Variants in REL observed in about 807,000 individuals in gnomAD.
REL encodes REL proto-oncogene, NF-kB subunit.
Under a neutral mutation model 45.9 loss-of-function variants are expected in REL, and 15 were observed. The observed-to-expected ratio is 0.33, with a 90% confidence interval of 0.22 to 0.50. REL has a LOEUF of 0.50. REL is among the 20% of genes least tolerant of loss of function. The pLI is 0.98. For missense variants in REL, 601 were observed against 715.2 expected (o/e 0.84, Z 1.82); for synonymous variants, 239 against 242.1 (o/e 0.99, Z 0.12).
At chr2:60,918,362 CA>C (rs766635081) in intron 6 of REL, 31 bp from the exon 7 acceptor site, 6 of 1,505,674 alleles carry the variant, frequency 4.0e-6, no homozygotes, top group Admixed American at 1.8e-5. Context: ...TTTGTTTTCC[CA>C]TTTTTTTTTT....
At chr2:60,887,968 C>T (rs1246994222) in intron 1 of REL, among the ~76,000 whole-genome samples, 2 of 150,916 alleles carry the variant, frequency 1.3e-5, no homozygotes, top group Non-Finnish European at 3.0e-5. Context: ...CACTCTGTCA[C>T]CCAGGCTAGA....
intron 1 of REL, among the ~76,000 whole-genome samples, 198 bp from the exon 2 acceptor site, chr2:60,891,485 T>C (rs1040756364): frequency 1.3e-5 from 2 of 152,258 alleles, no homozygotes; most frequent in Non-Finnish European, 2.9e-5. Flanking sequence ...TGACACTACA[T>C]AGGGACTCAA....
chr2:60,915,850 ATT>A (rs1251493730), intron 4 of REL, among the ~76,000 whole-genome samples: 2 of 152,190 alleles, frequency 1.3e-5, no homozygotes, highest in African/African-American at 4.8e-5. Context: ...GAACTGTAAA[ATT>A]TTTAATTAAA....
At chr2:60,889,960 A>T (rs1479660760) in intron 1 of REL, among the ~76,000 whole-genome samples, 2 of 152,190 alleles carry the variant, frequency 1.3e-5, no homozygotes, top group Non-Finnish European at 2.9e-5. Flanking sequence ...TTGGGTATAT[A>T]CCCAGTAATG....
intron 3 of REL, 91 bp from the exon 4 acceptor site, chr2:60,900,901 G>A: frequency 1.9e-6 from 2 of 1,054,234 alleles, no homozygotes; most frequent in Non-Finnish European, 2.8e-6. Flanking sequence ...ACAACTGACA[G>A]CATGATAACT....
At position 60,924,863 on chromosome 2, in the gene REL, TG is replaced by T; in HGVS notation, c.*2329del. ...TTTAAAATTCTCAGTGTTTCCTAGT[TG>T]TTTCTGCATACTTTATGTGAGTTGT... On this transcript the variant is annotated 3_prime_UTR_variant, in exon 10 of 10. Coordinates refer to ENST00000394479, the MANE Select transcript of REL (RefSeq NM_001291746.2). The T allele has an allele frequency of 4.7e-6, 1 of 212,928 alleles. No homozygotes were observed. Among genetic ancestry groups the T allele is most frequent in the Non-Finnish European group, 9.5e-6 (1 of 104,958 alleles). The allele number at this position is 212,928 out of a possible 1,614,324, so 13.2% of individuals were successfully genotyped here. A position where few individuals can be genotyped will look rare whatever the true frequency, so the allele number is the denominator to read the frequency against.
intron 3 of REL, 61 bp downstream of exon 3, chr2:60,894,606 T>C (rs1441164053): frequency 7.9e-7 from 1 of 1,268,224 alleles, no homozygotes. Context: ...TTCTGTTTCT[T>C]CTCCATGACA....
chr2:60,901,140 T>C (rs961254109), intron 4 of REL, 57 bp downstream of exon 4: 17 of 1,411,912 alleles, frequency 1.2e-5, no homozygotes, highest in African/African-American at 1.1e-4. Context: ...TCTGTTTCTT[T>C]TTTCTTTCTC....
rs2103927814 is a variant in REL, at chr2:60,891,829, A to G, written c.153+4A>G. 2 of 1,609,454 alleles carry G rather than the reference A, an allele frequency of 1.2e-6. No individual in the cohort carries two copies. The highest frequency in any genetic ancestry group is 1.7e-6 in the Non-Finnish European group (2 of 1,177,738). On this transcript the variant is annotated splice_donor_region_variant and intron_variant, in intron 2 of 9. Coordinates refer to ENST00000394479, the MANE Select transcript of REL (RefSeq NM_001291746.2). ...CCGAACATACCCTTCTATCCAGGTA[A>G]TAGACCCTTCTTCTGTGTCTATCTC...
At chr2:60,911,324 A>C (rs962056691) in intron 4 of REL, 2 of 152,264 alleles carry the variant, frequency 1.3e-5, no homozygotes, top group Admixed American at 1.3e-4. Flanking sequence ...TTGGCAGTAT[A>C]GCCAAGTGAG....
intron 1 of REL, among the ~76,000 whole-genome samples, chr2:60,887,544 G>A (rs1239697472): frequency 6.6e-6 from 1 of 151,686 alleles, no homozygotes; most frequent in Non-Finnish European, 1.5e-5. Flanking sequence ...ATCTCAAGAA[G>A]AAATAAGACG....
At chr2:60,914,275 C>T (rs534523709) in intron 4 of REL, among the ~76,000 whole-genome samples, 12 of 152,254 alleles carry the variant, frequency 7.9e-5, no homozygotes, top group African/African-American at 2.6e-4. Context: ...TGGGTAAAAA[C>T]GGGTATCTGT....
chr2:60,902,308 T>G (rs1261278571), intron 4 of REL, among the ~76,000 whole-genome samples: 1 of 152,216 alleles, frequency 6.6e-6, no homozygotes, highest in African/African-American at 2.4e-5. Flanking sequence ...CTATTTAGTA[T>G]AAAGCGGAAA....
rs547134815 is a variant in REL, at chr2:60,899,940, C to T, written c.303-1052C>T. 1.5e-3 allele frequency: 234 copies of T among 152,374 alleles called. 1 individual carries two copies. Among genetic ancestry groups the T allele is most frequent in the Middle Eastern group, 3.4e-3 (1 of 294 alleles). 9.4% of individuals were successfully genotyped at this position (152,374 alleles called of 1,614,324 possible). On this transcript the variant is annotated intron_variant, in intron 3 of 9. Coordinates refer to ENST00000394479, the MANE Select transcript of REL (RefSeq NM_001291746.2). ...AATTTTTTATGATGAATGGCTATAACTTTATATAATGTGGCACAAAACATA... is the reference window on the plus strand; with the variant it reads ...AATTTTTTATGATGAATGGCTATAATTTTATATAATGTGGCACAAAACATA...
chr2:60,897,568 G>A (rs1673383555), intron 3 of REL, among the ~76,000 whole-genome samples: 1 of 151,860 alleles, frequency 6.6e-6, no homozygotes, highest in Admixed American at 6.6e-5. Context: ...TCAGCCTCCC[G>A]AAATGCTGAG....
At position 60,922,225 on chromosome 2, in the gene REL, T is replaced by C; in HGVS notation, c.1454T>C (p.Met485Thr). ...ACTGATAATCCAAGACTTCTGAGCA[T>C]GAATCTTGAAAACCCCTCATGTAAT... The part of the protein sequence containing the change: ...GETDNPRLLS[M>T]NLENPSCNSV... The change falls in exon 10 of 10, where the codon ATG (methionine) becomes ACG (threonine). Residue 485 changes from methionine (M) to threonine (T), a missense_variant. Physicochemically the swap from Met to Thr is moderately conservative, Grantham distance 81. Transcript: ENST00000394479. 1 of 1,614,186 alleles carries C rather than the reference T, an allele frequency of 6.2e-7. No homozygotes were observed. Among genetic ancestry groups the C allele is most frequent in the Non-Finnish European group, 8.5e-7 (1 of 1,180,016 alleles).
At chr2:60,892,849 G>A (rs533492434) in intron 2 of REL, among the ~76,000 whole-genome samples, 3 of 151,916 alleles carry the variant, frequency 2.0e-5, no homozygotes, top group East Asian at 1.9e-4. Context: ...CCACCTCCCA[G>A]GTTCAAGCAG....
At position 60,922,050 on chromosome 2, in the gene REL, A is replaced by G; in HGVS notation, c.1279A>G (p.Asn427Asp). 6.2e-7 allele frequency: 1 copy of G among 1,614,188 alleles called. No individual in the cohort carries two copies. Among genetic ancestry groups the G allele is most frequent in the Non-Finnish European group, 8.5e-7 (1 of 1,180,016 alleles). The change falls in exon 10 of 10, where the codon AAT (asparagine) becomes GAT (aspartate). Residue 427 changes from asparagine to aspartate, a missense_variant. Coordinates refer to ENST00000394479, the MANE Select transcript of REL (RefSeq NM_001291746.2). ...IPVGNDLNAS[N>D]ACIYNNADDI... ...TGTTGGGAATGATTTAAATGCTTCTAATGCTTGCATTTACAACAATGCCGA... is the reference window on the plus strand; with the variant it reads ...TGTTGGGAATGATTTAAATGCTTCTGATGCTTGCATTTACAACAATGCCGA...
In REL at chr2:60,916,998, GAACCCAATTTATGAC is replaced by G; in HGVS notation, c.521_535del (p.Pro174_Asn178del). On this transcript the variant is annotated inframe_deletion, in exon 5 of 10. Transcript: ENST00000394479. The stretch of plus-strand genomic sequence containing the variant: ...CGACTGCTCTTCCTCCTGTTGTCTC[GAACCCAATTTATGAC>G]AACCGTAAGTACTTCATTTTCTTAT... 6.2e-7 allele frequency: 1 copy of G among 1,612,624 alleles called. No homozygotes were observed. The highest frequency in any genetic ancestry group is 8.5e-7 in the Non-Finnish European group (1 of 1,179,318).
Sources: allele counts gnomAD v4.1 joint callset (sites outside exome capture counted in the v4.1 genomes callset), GRCh38; gene constraint gnomAD v4.1.1; transcripts MANE v1.5; gene names NCBI Gene and HGNC (gene_info 2026-07-23, HGNC 2026-07-21).